The following EIF3J variants were observed in gnomAD, a reference collection of about 807,000 sequenced individuals.
The protein encoded by EIF3J is eukaryotic translation initiation factor 3 subunit J.
Under a neutral mutation model 39.0 loss-of-function variants are expected in EIF3J, and 15 were observed. That is an observed-to-expected ratio of 0.38 (90% confidence interval 0.26 to 0.59). The LOEUF (loss-of-function observed/expected upper bound fraction) is 0.59. Among genes scored for constraint, EIF3J ranks in the 20% least tolerant of loss-of-function variants. The pLI is 0.60. For missense variants in EIF3J, 226 were observed against 308.6 expected (o/e 0.73, Z 2.00); for synonymous variants, 98 against 112.9 (o/e 0.87, Z 0.84).
chr15:44,551,296 A>G lies in EIF3J; in HGVS notation c.203-135A>G, dbSNP rs560790111. ...GAAGGAAGAGTCCCAGAAGTTTCCC[A>G]TTATTTGTGAGAAAAATCACTGTTT... On this transcript the variant is annotated intron_variant, in intron 3 of 7. Coordinates refer to ENST00000261868, the MANE Select transcript of EIF3J (RefSeq NM_003758.4). The G allele has an allele frequency of 4.6e-6, 3 of 653,414 alleles. No homozygotes were observed. In the South Asian group the frequency reaches 6.8e-5, roughly 15 times the overall value. 40.5% of individuals were successfully genotyped at this position (653,414 alleles called of 1,614,324 possible).
rs1039598393 is a variant in EIF3J at position 44,550,285 on chromosome 15, ATTTT to A, written c.148-589_148-586del. 1.1e-4 allele frequency among the ~76,000 whole-genome samples: 16 copies of A among 152,256 alleles called. No individual in the cohort carries two copies. The South Asian group carries it at 3.1e-3, about 30-fold the overall frequency. ...TTAACATATAAAAAAGCCAATAGTC[ATTTT>A]TGTTTATTTGTTTTGAGACAGGGTT... On this transcript the variant is annotated intron_variant, in intron 2 of 7. Transcript: ENST00000261868.
At chr15:44,540,002 C>T (rs931778527) in intron 2 of EIF3J, among the ~76,000 whole-genome samples, 5 of 148,106 alleles carry the variant, frequency 3.4e-5, no homozygotes, top group African/African-American at 9.9e-5. Flanking sequence ...TGCCGTGGCA[C>T]GATCTTGGCT....
chr15:44,555,759 T>C (rs1261150935), intron 5 of EIF3J, among the ~76,000 whole-genome samples: 2 of 152,252 alleles, frequency 1.3e-5, no homozygotes, highest in Non-Finnish European at 2.9e-5. Context: ...TTTACTGTTG[T>C]GTTTCTCATA....
intron 2 of EIF3J, 113 bp downstream of exon 2, chr15:44,537,540 CA>C: frequency 2.7e-6 from 3 of 1,116,532 alleles, no homozygotes; most frequent in Non-Finnish European, 3.6e-6. Context: ...CAGGCGCGAG[CA>C]TAGGGCCTGG....
At chr15:44,539,089 C>T (rs1164663605) in intron 2 of EIF3J, among the ~76,000 whole-genome samples, 2 of 148,210 alleles carry the variant, frequency 1.3e-5, no homozygotes, top group Middle Eastern at 3.5e-3. Context: ...TGCAATGGCG[C>T]GATCTTGGCT....
intron 2 of EIF3J, 56 bp downstream of exon 2, chr15:44,537,483 C>A: frequency 6.9e-7 from 1 of 1,442,178 alleles, no homozygotes. Flanking sequence ...CTGTTGCCGG[C>A]CGACTCTGGG....
At chr15:44,552,112 C>T (rs945148757) in intron 4 of EIF3J, among the ~76,000 whole-genome samples, 4 of 151,972 alleles carry the variant, frequency 2.6e-5, no homozygotes, top group East Asian at 3.8e-4. Context: ...TGAGCCACCG[C>T]GTCTGGCCAG....
chr15:44,555,496 G>C (rs1595806306), intron 5 of EIF3J, among the ~76,000 whole-genome samples: 1 of 152,210 alleles, frequency 6.6e-6, no homozygotes, highest in East Asian at 1.9e-4. Context: ...TTATCTGTCA[G>C]TGGATCTGTA....
chr15:44,554,016 T>C (rs1409829435), intron 4 of EIF3J, among the ~76,000 whole-genome samples: 1 of 148,212 alleles, frequency 6.7e-6, no homozygotes, highest in Non-Finnish European at 1.5e-5. Context: ...AGCTGTTACC[T>C]TCTATTTAGT....
chr15:44,543,786 C>T (rs1426241202), intron 2 of EIF3J, among the ~76,000 whole-genome samples: 2 of 152,062 alleles, frequency 1.3e-5, no homozygotes, highest in Admixed American at 1.3e-4. Context: ...ATTATGTCTG[C>T]ATTGATGTGT....
chr15:44,541,703 C>G (rs557889308), intron 2 of EIF3J, among the ~76,000 whole-genome samples: 2 of 152,164 alleles, frequency 1.3e-5, no homozygotes, highest in East Asian at 1.9e-4. Context: ...TAGGAAATAC[C>G]CAGAAGGTGG....
chr15:44,537,373 C>A lies in EIF3J; in HGVS notation c.93C>A (p.Gly31=). 6.4e-7 allele frequency: 1 copy of A among 1,567,798 alleles called. No homozygotes were observed. The highest frequency in any genetic ancestry group is 8.6e-7 in the Non-Finnish European group (1 of 1,156,126). The change falls in exon 2 of 8, where the codon GGC becomes GGA. Residue 31 remains glycine, a synonymous_variant. Transcript: ENST00000261868. The part of the protein sequence containing the change: ...VEDPVRKVGG[G]GTAGGDRWEG... ...ACCCAGTGCGGAAGGTGGGGGGCGG[C>A]GGCACTGCCGGCGGGGACCGCTGGG...
intron 6 of EIF3J, chr15:44,559,003 T>G (rs1272610535): frequency 2.0e-5 from 3 of 152,200 alleles, no homozygotes; most frequent in Admixed American, 6.5e-5. Context: ...TGAACAGGAC[T>G]ATTTCTTGGT....
rs997991630 is a variant in EIF3J at position 44,537,510 on chromosome 15, G to A, written c.147+83G>A. 14 of 1,359,384 alleles carry A rather than the reference G, an allele frequency of 1.0e-5. No homozygotes were observed. The African/African-American group carries it at 2.0e-4, about 20-fold the overall frequency. The allele number at this position is 1,359,384 out of a possible 1,614,324, so 84.2% of individuals were successfully genotyped here. ...GACTCTGGGCCCCGGGTCGCTGCCGGGGCCTGCGGGCCGTGGGTCCAGGCG... is the reference window on the plus strand; with the variant it reads ...GACTCTGGGCCCCGGGTCGCTGCCGAGGCCTGCGGGCCGTGGGTCCAGGCG... On this transcript the variant is annotated intron_variant, in intron 2 of 7. Transcript: ENST00000261868.
chr15:44,561,388 A>ATT lies in EIF3J; in HGVS notation c.*240_*241insTT. 1 of 330,156 alleles carries ATT rather than the reference A, an allele frequency of 3.0e-6. No homozygotes were observed. The highest frequency in any genetic ancestry group is 5.6e-6 in the Non-Finnish European group (1 of 177,548). 20.5% of individuals were successfully genotyped at this position (330,156 alleles called of 1,614,324 possible). A position where few individuals can be genotyped will look rare whatever the true frequency, so the allele number is the denominator to read the frequency against. ...CTACTAAATCATAGTTCAAAACCTA[A>ATT]TAATGTTGTCGTTGTTGCTATCTGA... On this transcript the variant is annotated 3_prime_UTR_variant, in exon 8 of 8. Transcript: ENST00000261868.
intron 2 of EIF3J, among the ~76,000 whole-genome samples, chr15:44,539,299 T>A (rs1279782801): frequency 6.6e-6 from 1 of 152,152 alleles, no homozygotes; most frequent in Non-Finnish European, 1.5e-5. Context: ...GTGCTGGAAT[T>A]ATAGGCGTGA....
At chr15:44,550,001 G>C (rs1257105428) in intron 2 of EIF3J, among the ~76,000 whole-genome samples, 3 of 151,822 alleles carry the variant, frequency 2.0e-5, no homozygotes, top group African/African-American at 7.3e-5. Flanking sequence ...AATTTGTTGG[G>C]ATGCATAGCA....
intron 4 of EIF3J, among the ~76,000 whole-genome samples, chr15:44,551,906 T>G (rs563971009): frequency 6.6e-6 from 1 of 151,882 alleles, no homozygotes; most frequent in African/African-American, 2.4e-5. Flanking sequence ...CTCGGCTCAG[T>G]GCAACCTCTG....
At position 44,561,547 on chromosome 15, in the gene EIF3J, A is replaced by T. The variant is rs1367872198; in HGVS notation, c.*398A>T. On this transcript the variant is annotated 3_prime_UTR_variant, in exon 8 of 8. Transcript: ENST00000261868. ...TTGAACTACTTCATAACTTGTCAAG[A>T]AAAGCAGTTTGCAGCAAGGGCATGT... The T allele has an allele frequency of 6.3e-6, 1 of 157,664 alleles. No homozygotes were observed. Among genetic ancestry groups the T allele is most frequent in the East Asian group, 1.8e-4 (1 of 5,514 alleles). 9.8% of individuals were successfully genotyped at this position (157,664 alleles called of 1,614,324 possible). A position where few individuals can be genotyped will look rare whatever the true frequency, so the allele number is the denominator to read the frequency against.
Sources: gnomAD v4.1 joint callset for allele counts (sites outside exome capture counted in the v4.1 genomes callset) on GRCh38, gnomAD v4.1.1 for gene constraint, MANE v1.5 for transcripts, NCBI Gene and HGNC (gene_info 2026-07-23, HGNC 2026-07-21) for gene names.